Variants in SLC12A4 observed in about 807,000 individuals in gnomAD.
SLC12A4 encodes the protein electroneutral potassium-chloride cotransporter 1.
In SLC12A4, 84 loss-of-function variants were observed where a neutral mutation model predicts 119.2. The ratio of observed to expected loss-of-function variants is 0.70; its 90% CI spans 0.59 to 0.85. The LOEUF (loss-of-function observed/expected upper bound fraction) is 0.85. SLC12A4 is among the 40% of genes least tolerant of loss of function. The pLI, the probability that SLC12A4 is intolerant of heterozygous loss-of-function variation, is 0.00. For missense variants in SLC12A4, 1,298 were observed against 1,476.3 expected, an observed-to-expected ratio of 0.88 and a Z score of 1.98; for synonymous variants, 599 against 604.6, an observed-to-expected ratio of 0.99 and a Z score of 0.14.
intron 3 of SLC12A4, among the ~76,000 whole-genome samples, chr16:67,961,307 C>G (rs893041611): frequency 3.3e-5 from 5 of 152,164 alleles, no homozygotes; most frequent in Non-Finnish European, 5.9e-5. Context: ...TGTGGTACCT[C>G]GCACACAGTA....
chr16:67,944,903 C>G lies in SLC12A4; in HGVS notation c.3195G>C (p.Glu1065Asp), dbSNP rs1292984385. The change falls in exon 24 of 24, where the codon GAG becomes GAC. Residue 1065 changes from glutamate to aspartate, a missense_variant. Coordinates refer to ENST00000316341, the MANE Select transcript of SLC12A4 (RefSeq NM_005072.5). This position sits in a 1 kb window ranked among gnomAD's most constrained non-coding sequence, Gnocchi z 6.6. ...NYMEFLEVLT[E>D]GLERVLLVRG... ...GCACCAACAGCACCCGCTCAAGGCC[C>G]TCGGTCAGCACCTCGAGGAACTCCA... 1 of 1,613,548 alleles carries G rather than the reference C, an allele frequency of 6.2e-7. No individual in the cohort carries two copies. Among genetic ancestry groups the G allele is most frequent in the Non-Finnish European group, 8.5e-7 (1 of 1,180,022 alleles).
rs142948811 is a variant in SLC12A4 at position 67,952,581 on chromosome 16, T to A, written c.676-156A>T. Reference sequence around the variant, plus strand: ...TTGGGAGGCTGAGGTGGGGGATCACTTGAGGTCAGGAGATCATGACTAGCC... The same window carrying A: ...TTGGGAGGCTGAGGTGGGGGATCACATGAGGTCAGGAGATCATGACTAGCC... On this transcript the variant is annotated intron_variant, in intron 6 of 23. Transcript: ENST00000316341. Among the ~76,000 whole-genome samples, 7 of 150,824 alleles carry A rather than the reference T, an allele frequency of 4.6e-5. No homozygotes were observed. In the East Asian group the frequency reaches 1.4e-3, roughly 30 times the overall value.
chr16:67,968,573 C>T lies in SLC12A4; in HGVS notation c.-20G>A. On this transcript the variant is annotated 5_prime_UTR_variant, in exon 1 of 24. Transcript: ENST00000316341. ...AGGCATCGTGCGGGCTCGGCCCCGC[C>T]GCACCCGCCGTCCCAGCCGCCCGCC... 4.0e-6 allele frequency: 6 copies of T among 1,505,074 alleles called. No homozygotes were observed. In the South Asian group the frequency reaches 6.1e-5, roughly 15 times the overall value. The allele number at this position is 1,505,074 out of a possible 1,614,324, so 93.2% of individuals were successfully genotyped here. A position where few individuals can be genotyped will look rare whatever the true frequency, so the allele number is the denominator to read the frequency against.
At chr16:67,947,521 C>A in intron 15 of SLC12A4, 86 bp from the exon 16 acceptor site, 1 of 1,510,996 alleles carries the variant, frequency 6.6e-7, no homozygotes, top group Non-Finnish European at 9.0e-7. Context: ...GGTTCTGCCC[C>A]TCAAGACCAC....
Position 67,950,032 on chromosome 16 carries a change from C to T in SLC12A4, c.1630-114G>A. 1 of 831,782 alleles carries T rather than the reference C, an allele frequency of 1.2e-6. No individual in the cohort carries two copies. Among genetic ancestry groups the T allele is most frequent in the South Asian group, 1.5e-5 (1 of 67,574 alleles). 51.5% of individuals were successfully genotyped at this position (831,782 alleles called of 1,614,324 possible). ...GGCCCGCCTTGGGGGCTCAGGCCGC[C>T]CCTGTGTCTATCCCTATGGGTGTCA... On this transcript the variant is annotated intron_variant, in intron 12 of 23. Coordinates refer to ENST00000316341, the MANE Select transcript of SLC12A4 (RefSeq NM_005072.5). This position sits in a 1 kb window ranked among gnomAD's most constrained non-coding sequence, Gnocchi z 4.3.
intron 3 of SLC12A4, among the ~76,000 whole-genome samples, chr16:67,960,248 G>A (rs987191351): frequency 6.6e-6 from 1 of 152,216 alleles, no homozygotes; most frequent in Non-Finnish European, 1.5e-5. Context: ...GGACAAGGAT[G>A]AGGCTCTGAC....
Position 67,949,994 on chromosome 16 carries a change from C to T in SLC12A4, c.1630-76G>A. 1 of 1,206,362 alleles carries T rather than the reference C, an allele frequency of 8.3e-7. No individual in the cohort carries two copies. The highest frequency in any genetic ancestry group is 1.2e-6 in the Non-Finnish European group (1 of 821,790). The allele number at this position is 1,206,362 out of a possible 1,614,324, so 74.7% of individuals were successfully genotyped here. On this transcript the variant is annotated intron_variant, in intron 12 of 23. Coordinates refer to ENST00000316341, the MANE Select transcript of SLC12A4 (RefSeq NM_005072.5). This position sits in a 1 kb window ranked among gnomAD's most constrained non-coding sequence, Gnocchi z 4.6. ...TGGGCCCCAGACCCCAGCCTGGCCT[C>T]CCTCACCCCCAGGGCCCGCCTTGGG...
chr16:67,959,717 G>A lies in SLC12A4; in HGVS notation c.343-1673C>T, dbSNP rs1023602699. On this transcript the variant is annotated intron_variant, in intron 3 of 23. Coordinates refer to ENST00000316341, the MANE Select transcript of SLC12A4 (RefSeq NM_005072.5). ...CCCAGGCTGAGTCACTCTAAGAAAA[G>A]GACAGTGTGGGAAAGGGCAGGGTGG... is the stretch of plus-strand genomic sequence containing the variant. 7.2e-5 allele frequency among the ~76,000 whole-genome samples: 11 copies of A among 152,216 alleles called. No homozygotes were observed. In the South Asian group the frequency reaches 1.2e-3, roughly 17 times the overall value.
chr16:67,964,860 G>A (rs985918900), intron 1 of SLC12A4, among the ~76,000 whole-genome samples: 8 of 152,218 alleles, frequency 5.3e-5, no homozygotes, highest in Non-Finnish European at 1.2e-4. Context: ...GGCTTCAATT[G>A]CTTTCTCTGA....
At chr16:67,968,690 C>G, upstream of SLC12A4, 1 of 1,248,610 alleles carries the variant, frequency 8.0e-7, no homozygotes, top group Non-Finnish European at 1.0e-6. Flanking sequence ...CGCCCGCCCC[C>G]CGGGCCGCCC....
chr16:67,958,135 C>T lies in SLC12A4; in HGVS notation c.343-91G>A. ...TAGTCACTCAGCAGGCCCCCTCCCC[C>T]AGTGGGGCCCCAGGGAACACAGAGA... On this transcript the variant is annotated intron_variant, in intron 3 of 23. Coordinates refer to ENST00000316341, the MANE Select transcript of SLC12A4 (RefSeq NM_005072.5). 3.5e-6 allele frequency: 5 copies of T among 1,432,162 alleles called. No homozygotes were observed. In the Admixed American group the frequency reaches 1.0e-4, roughly 30 times the overall value. 88.7% of individuals were successfully genotyped at this position (1,432,162 alleles called of 1,614,324 possible).
rs755112469 is a variant in SLC12A4 at position 67,945,094 on chromosome 16, G to A, written c.3159C>T (p.Asp1053=). 1.8e-5 allele frequency: 28 copies of A among 1,581,250 alleles called. No homozygotes were observed. The East Asian group carries it at 4.3e-4, about 24-fold the overall frequency. Residue 1053 remains aspartate (D), a synonymous_variant, in exon 23 of 24, where the codon GAC becomes GAT. Coordinates refer to ENST00000316341, the MANE Select transcript of SLC12A4 (RefSeq NM_005072.5). ...MPGPPRNSEG[D]ENYMEFLEVL... ...CTCTCCACAAAGGGATACAGTTCTC[G>A]TCGCCCTCACTGTTCCTGGGTGGGC... is the stretch of plus-strand genomic sequence containing the variant.
rs751584846 is a variant in SLC12A4 at position 67,950,887 on chromosome 16, T to C, written c.1396+75A>G. 4.0e-6 allele frequency: 6 copies of C among 1,516,518 alleles called. No homozygotes were observed. In the Admixed American group the frequency reaches 5.1e-5, roughly 13 times the overall value. 93.9% of individuals were successfully genotyped at this position (1,516,518 alleles called of 1,614,324 possible). A position where few individuals can be genotyped will look rare whatever the true frequency, so the allele number is the denominator to read the frequency against. On this transcript the variant is annotated intron_variant, in intron 10 of 23. Transcript: ENST00000316341. This position sits in a 1 kb window ranked among gnomAD's most constrained non-coding sequence, Gnocchi z 4.3. ...TATGAGTGTGTGGGGTGTCTGTGCA[T>C]GTGACCTGGCAACGTACACAGGCCA...
chr16:67,948,142 T>C lies in SLC12A4; in HGVS notation c.1766A>G (p.Tyr589Cys), dbSNP rs761042071. The C allele has an allele frequency of 3.7e-6, 6 of 1,613,052 alleles. No individual in the cohort carries two copies. The highest frequency in any genetic ancestry group is 5.1e-6 in the Non-Finnish European group (6 of 1,179,980). The change falls in exon 14 of 24, where the codon TAC becomes TGC. Residue 589 changes from tyrosine to cysteine, a missense_variant. Coordinates refer to ENST00000316341, the MANE Select transcript of SLC12A4 (RefSeq NM_005072.5). ...PILSMFFLMC[Y>C]LFVNLACAVQ... ...CGCACAGGCGAGGTTCACGAACAGG[T>C]AGCACATCAGAAAGAACCTGCGGCA... is the stretch of plus-strand genomic sequence containing the variant.
At position 67,963,461 on chromosome 16, in the gene SLC12A4, C is replaced by G. The variant is rs752560631; in HGVS notation, c.210+4G>C. On this transcript the variant is annotated splice_donor_region_variant and intron_variant, in intron 2 of 23. Coordinates refer to ENST00000316341, the MANE Select transcript of SLC12A4 (RefSeq NM_005072.5). ...CCTGTGGCCCAAAATGGCTCCTCAG[C>G]TACCTCAAACAGTGCCAGGTTCCTG... The G allele has an allele frequency of 6.4e-7, 1 of 1,562,896 alleles. No homozygotes were observed. The highest frequency in any genetic ancestry group is 8.6e-7 in the Non-Finnish European group (1 of 1,163,874).
intron 6 of SLC12A4, chr16:67,954,066 C>A: frequency 3.1e-6 from 1 of 319,530 alleles, no homozygotes; most frequent in Non-Finnish European, 6.4e-6. Flanking sequence ...TCCCCAGGGG[C>A]GGGCACCTGT....
chr16:67,949,967 C>T lies in SLC12A4; in HGVS notation c.1630-49G>A, dbSNP rs1462159688. 2.1e-6 allele frequency: 3 copies of T among 1,457,128 alleles called. No homozygotes were observed. The Admixed American group carries it at 5.2e-5, about 25-fold the overall frequency. 90.3% of individuals were successfully genotyped at this position (1,457,128 alleles called of 1,614,324 possible). ...GGGTCCTGTCACCCCCATTCCACAC[C>T]TTGGGCCCCAGACCCCAGCCTGGCC... is the stretch of plus-strand genomic sequence containing the variant. On this transcript the variant is annotated intron_variant, in intron 12 of 23. Coordinates refer to ENST00000316341, the MANE Select transcript of SLC12A4 (RefSeq NM_005072.5). The surrounding 1 kb of genome is among the most constrained non-coding windows in gnomAD (Gnocchi z 4.6).
Position 67,947,378 on chromosome 16 carries a change from G to A in SLC12A4, c.2025C>T (p.Tyr675=), listed in dbSNP as rs539033564. 2.8e-5 allele frequency: 45 copies of A among 1,612,836 alleles called. No individual in the cohort carries two copies. The highest frequency in any genetic ancestry group is 2.4e-4 in the South Asian group (22 of 91,068). The part of the protein sequence containing the change: ...IRGLSLSAAR[Y]ALLRLEEGPP... ...GCCCCTCCTCCAGCCGCAACAGCGC[G>A]TAGCGGGCAGCGCTCAGGGACAGGC... Residue 675 remains tyrosine, a synonymous_variant, in exon 16 of 24, where the codon TAC becomes TAT. Coordinates refer to ENST00000316341, the MANE Select transcript of SLC12A4 (RefSeq NM_005072.5).
intron 1 of SLC12A4, chr16:67,966,904 A>C (rs2030894059): frequency 1.4e-6 from 2 of 1,480,976 alleles, no homozygotes; most frequent in Non-Finnish European, 1.8e-6. Flanking sequence ...AGGTCCCTCC[A>C]GTCACCCTGT....
Sources: gnomAD v4.1 joint callset for allele counts (sites outside exome capture counted in the v4.1 genomes callset) on GRCh38, gnomAD v4.1.1 for gene constraint, Gnocchi (gnomAD v3.1) non-coding constraint, MANE v1.5 for transcripts, NCBI Gene and HGNC (gene_info 2026-07-23, HGNC 2026-07-21) for gene names.